Variants in CELSR1 observed in about 807,000 individuals in gnomAD.
The protein encoded by CELSR1 is adhesion G protein-coupled receptor C1.
Under a neutral mutation model 249.1 loss-of-function variants are expected in CELSR1, and 110 were observed. That is an observed-to-expected ratio of 0.44 (90% confidence interval 0.38 to 0.52). The LOEUF is 0.52. Ranked by LOEUF, CELSR1 falls within the 20% of genes least tolerant of loss-of-function variation. The pLI is 0.00. For synonymous variants in CELSR1, 2,113 were observed against 1,900.0 expected (o/e 1.11, Z -2.92); for missense variants, 4,109 against 4,296.4 (o/e 0.96, Z 1.22).
chr22:46,469,442 T>A (rs1227000294), intron 1 of CELSR1, among the ~76,000 whole-genome samples: 1 of 152,138 alleles, frequency 6.6e-6, no homozygotes, highest in Non-Finnish European at 1.5e-5. Context: ...AGCCCCTCAC[T>A]CCCATCTGCC....
chr22:46,438,027 C>A (rs949649468), intron 3 of CELSR1, among the ~76,000 whole-genome samples: 1 of 152,124 alleles, frequency 6.6e-6, no homozygotes, highest in African/African-American at 2.4e-5. Context: ...GGCTGGTGGG[C>A]GGTGTCAGTG....
intron 19 of CELSR1, among the ~76,000 whole-genome samples, chr22:46,385,176 C>T (rs1277416191): frequency 1.3e-5 from 2 of 152,140 alleles, no homozygotes; most frequent in African/African-American, 4.8e-5. Context: ...CTCACTGTAG[C>T]CTCGTCCTCC....
At chr22:46,415,444 C>T (rs1055191729) in intron 5 of CELSR1, among the ~76,000 whole-genome samples, 2 of 152,192 alleles carry the variant, frequency 1.3e-5, no homozygotes, top group African/African-American at 4.8e-5. Context: ...GCCACCGTAC[C>T]ATCCAGCCTG....
Position 46,490,102 on chromosome 22 carries a change from G to A in CELSR1, c.3545-25757C>T, listed in dbSNP as rs9616018. On this transcript the variant is annotated intron_variant, in intron 1 of 34. Coordinates refer to ENST00000674500, the MANE Select transcript of CELSR1 (RefSeq NM_001378328.1). This position sits in a 1 kb window ranked among gnomAD's most constrained non-coding sequence, Gnocchi z 5.2. ...AGTGAGCCGCTTTCTGAGAACCAAC[G>A]TTCCCAAGTGCAAAGTGTACACATG... Among the ~76,000 whole-genome samples the A allele has an allele frequency of 0.061, 9,261 of 152,136 alleles. 342 individuals are homozygous for A. Among genetic ancestry groups the A allele is most frequent in the Admixed American group, 0.099 (1,509 of 15,284 alleles).
In CELSR1 at chr22:46,401,676, A is replaced by C. The variant is rs1438920358; in HGVS notation, c.5227-1774T>G. Among the ~76,000 whole-genome samples, 1 of 152,198 alleles carries C rather than the reference A, an allele frequency of 6.6e-6. No homozygotes were observed. Among genetic ancestry groups the C allele is most frequent in the Non-Finnish European group, 1.5e-5 (1 of 68,034 alleles). Reference sequence around the variant, plus strand: ...AAGCTTTCTAGGTTCATGGGGCTGGAGGATTAAAAACTGGGGTTCATGGAC... The same window carrying C: ...AAGCTTTCTAGGTTCATGGGGCTGGCGGATTAAAAACTGGGGTTCATGGAC... On this transcript the variant is annotated intron_variant, in intron 9 of 34. Transcript: ENST00000674500. This position sits in a 1 kb window ranked among gnomAD's most constrained non-coding sequence, Gnocchi z 4.7.
intron 2 of CELSR1, among the ~76,000 whole-genome samples, chr22:46,442,383 G>A (rs1308061574): frequency 6.6e-6 from 1 of 152,242 alleles, no homozygotes; most frequent in Admixed American, 6.5e-5. Context: ...GCCCAACGCA[G>A]GCCATCCCCG....
intron 1 of CELSR1, among the ~76,000 whole-genome samples, chr22:46,521,847 T>C (rs1040688124): frequency 2.6e-5 from 4 of 152,144 alleles, no homozygotes; most frequent in African/African-American, 9.7e-5. Context: ...AGACCTTGTT[T>C]TGAATTAGAG....
intron 5 of CELSR1, among the ~76,000 whole-genome samples, chr22:46,414,037 C>T (rs1364508973): frequency 6.6e-6 from 1 of 152,124 alleles, no homozygotes; most frequent in East Asian, 1.9e-4. Flanking sequence ...TGGCTCAGAG[C>T]TACGGATTCA....
chr22:46,536,886 G>A lies in CELSR1; in HGVS notation c.285C>T (p.Arg95=). The A allele has an allele frequency of 8.2e-7, 1 of 1,226,620 alleles. No individual in the cohort carries two copies. The highest frequency in any genetic ancestry group is 4.1e-5 in the East Asian group (1 of 24,582). 76.0% of individuals were successfully genotyped at this position (1,226,620 alleles called of 1,614,324 possible). The change falls in exon 1 of 35, where the codon CGC becomes CGT. Residue 95 remains arginine, a synonymous_variant. Transcript: ENST00000674500. ...GGCGGCTCAGCGCCGTCGGGGCACT[G>A]CGGGCCACCAAGCGGACTTGCAGCG... is the stretch of plus-strand genomic sequence containing the variant. ...PLPLQVRLVA[R]SAPTALSRRL... is the part of the protein sequence containing the mutation.
intron 1 of CELSR1, among the ~76,000 whole-genome samples, chr22:46,503,647 A>G (rs1429907072): frequency 2.0e-5 from 3 of 152,230 alleles, no homozygotes; most frequent in Non-Finnish European, 4.4e-5. Flanking sequence ...CCCTATTTTT[A>G]AAAACCGAAA....
rs1329049888 is a variant in CELSR1 at position 46,519,257 on chromosome 22, G to T, written c.3544+14370C>A. On this transcript the variant is annotated intron_variant, in intron 1 of 34. Coordinates refer to ENST00000674500, the MANE Select transcript of CELSR1 (RefSeq NM_001378328.1). ...GTGATGTTCTAAACACCACAAAATG[G>T]CTCACATTAAAATGGTTAACTTCAC... Among the ~76,000 whole-genome samples the T allele has an allele frequency of 3.3e-5, 5 of 152,190 alleles. No homozygotes were observed. In the South Asian group the frequency reaches 6.2e-4, roughly 19 times the overall value.
Position 46,456,557 on chromosome 22 carries a change from G to T in CELSR1, c.4183+7150C>A, listed in dbSNP as rs1032389054. The stretch of plus-strand genomic sequence containing the variant: ...GGGCACCTGTAGTCCCAGCTACTCG[G>T]GAGGCTGAGGCAGGAGAATGGCGTG... On this transcript the variant is annotated intron_variant, in intron 2 of 34. Coordinates refer to ENST00000674500, the MANE Select transcript of CELSR1 (RefSeq NM_001378328.1). 3.3e-5 allele frequency among the ~76,000 whole-genome samples: 5 copies of T among 151,566 alleles called. No individual in the cohort carries two copies. The South Asian group carries it at 1.0e-3, about 32-fold the overall frequency.
chr22:46,459,497 G>A (rs754754479), intron 2 of CELSR1, among the ~76,000 whole-genome samples: 8 of 152,190 alleles, frequency 5.3e-5, no homozygotes, highest in Non-Finnish European at 8.8e-5. Context: ...AAACCTGGCC[G>A]GCCGTTGACC....
chr22:46,522,865 G>T (rs571479886), intron 1 of CELSR1, among the ~76,000 whole-genome samples: 1 of 152,364 alleles, frequency 6.6e-6, no homozygotes, highest in East Asian at 1.9e-4. Context: ...AACAGCCCAG[G>T]CCTCATCTCT....
intron 20 of CELSR1, among the ~76,000 whole-genome samples, chr22:46,383,704 C>G (rs189799869): frequency 6.6e-6 from 1 of 151,844 alleles, no homozygotes; most frequent in Non-Finnish European, 1.5e-5. Context: ...TTAAAAAAAA[C>G]TTCTTTAGTA....
At position 46,512,509 on chromosome 22, in the gene CELSR1, T is replaced by C. The variant is rs1262683165; in HGVS notation, c.3544+21118A>G. Among the ~76,000 whole-genome samples, 1 of 148,782 alleles carries C rather than the reference T, an allele frequency of 6.7e-6. No homozygotes were observed. The highest frequency in any genetic ancestry group is 6.7e-5 in the Admixed American group (1 of 14,978). On this transcript the variant is annotated intron_variant, in intron 1 of 34. Coordinates refer to ENST00000674500, the MANE Select transcript of CELSR1 (RefSeq NM_001378328.1). The surrounding 1 kb of genome is among the most constrained non-coding windows in gnomAD (Gnocchi z 5.2). ...ATTGCTTGAACCCGGGAGGCGGAGGTTTCAGTGAGCCGAGATCACACCACT... is the reference window on the plus strand; with the variant it reads ...ATTGCTTGAACCCGGGAGGCGGAGGCTTCAGTGAGCCGAGATCACACCACT...
intron 19 of CELSR1, among the ~76,000 whole-genome samples, chr22:46,385,638 T>C (rs1164322074): frequency 2.0e-5 from 3 of 151,812 alleles, no homozygotes; most frequent in Non-Finnish European, 4.4e-5. Context: ...AAAGGCTCCA[T>C]TTACAGATGA....
Position 46,454,547 on chromosome 22 carries a change from T to C in CELSR1, c.4183+9160A>G, listed in dbSNP as rs967285343. ...GCTTTAAACCACAGCGAGGTTTCTA[T>C]TGCATGCGGCTCGTCTTCAGGCCAC... is the stretch of plus-strand genomic sequence containing the variant. On this transcript the variant is annotated intron_variant, in intron 2 of 34. Transcript: ENST00000674500. This position sits in a 1 kb window ranked among gnomAD's most constrained non-coding sequence, Gnocchi z 5.1. Among the ~76,000 whole-genome samples the C allele has an allele frequency of 6.6e-6, 1 of 152,206 alleles. No homozygotes were observed. Among genetic ancestry groups the C allele is most frequent in the Non-Finnish European group, 1.5e-5 (1 of 68,042 alleles).
At chr22:46,496,322 C>T (rs1483477463) in intron 1 of CELSR1, among the ~76,000 whole-genome samples, 1 of 152,000 alleles carries the variant, frequency 6.6e-6, no homozygotes, top group African/African-American at 2.4e-5. Context: ...AATCCCAGCA[C>T]TTTGGGAGGC....
Sources: gnomAD v4.1 joint callset for allele counts (sites outside exome capture counted in the v4.1 genomes callset) on GRCh38, gnomAD v4.1.1 for gene constraint, Gnocchi (gnomAD v3.1) non-coding constraint, MANE v1.5 for transcripts, NCBI Gene and HGNC (gene_info 2026-07-23, HGNC 2026-07-21) for gene names.